The following LDHB variants were observed in gnomAD, a reference collection of about 807,000 sequenced individuals.
LDHB encodes the protein lactate dehydrogenase B.
Under a neutral mutation model 33.4 loss-of-function variants are expected in LDHB, and 18 were observed. The observed-to-expected ratio is 0.54, with a 90% CI of 0.37 to 0.80. The LOEUF (loss-of-function observed/expected upper bound fraction) is 0.80, where lower values mean the gene tolerates loss of function less well. Ranked by LOEUF, LDHB falls within the 30% of genes least tolerant of loss-of-function variation. The pLI, the probability that LDHB is intolerant of heterozygous loss-of-function variation, is 0.00. For missense variants in LDHB, 345 were observed against 407.9 expected (o/e 0.85, Z 1.33); for synonymous variants, 121 against 140.6 (o/e 0.86, Z 0.98).
chr12:21,638,523 A>G, intron 5 of LDHB, 53 bp from the exon 6 acceptor site: 2 of 1,233,670 alleles, frequency 1.6e-6, no homozygotes, highest in Non-Finnish European at 2.4e-6. Context: ...ATTATTTTAA[A>G]AAATATTTTC....
chr12:21,636,922 G>T, intron 7 of LDHB, 149 bp downstream of exon 7: 1 of 739,038 alleles, frequency 1.4e-6, no homozygotes, highest in Non-Finnish European at 2.4e-6. Context: ...CAAGACTTCT[G>T]TTGGAAAATG....
Position 21,635,630 on chromosome 12 carries a change from T to C in LDHB, c.917A>G (p.Asn306Ser). The C allele has an allele frequency of 3.7e-6, 6 of 1,613,536 alleles. No homozygotes were observed. Among genetic ancestry groups the C allele is most frequent in the Non-Finnish European group, 5.1e-6 (6 of 1,179,742 alleles). ...AACCTCATCATCCTTTAGCTTCTGG[T>C]TGATAACGCTGGTTAATCCCCGGGC... ...LNARGLTSVI[N>S]QKLKDDEVAQ... The change falls in exon 8 of 8, where the codon AAC becomes AGC. Residue 306 changes from asparagine (N) to serine (S), a missense_variant. Transcript: ENST00000350669.
chr12:21,657,657 C>T (rs923647831), intron 1 of LDHB, 94 bp downstream of exon 1: 18 of 152,544 alleles, frequency 1.2e-4, no homozygotes, highest in Admixed American at 9.8e-4. Flanking sequence ...TGTGCTTCTT[C>T]CTCCTTCCCG....
chr12:21,642,214 A>G, intron 4 of LDHB, 89 bp from the exon 5 acceptor site: 1 of 831,894 alleles, frequency 1.2e-6, no homozygotes, highest in Non-Finnish European at 2.1e-6. Context: ...CCCTTTTCCC[A>G]CTTCCCCACT....
intron 5 of LDHB, 43 bp from the exon 6 acceptor site, chr12:21,638,513 A>C: frequency 2.3e-6 from 3 of 1,305,896 alleles, no homozygotes; most frequent in Non-Finnish European, 3.3e-6. Context: ...TATTTCTTAC[A>C]TTATTTTAAA....
chr12:21,643,776 A>G, intron 4 of LDHB, 159 bp downstream of exon 4: 1 of 636,048 alleles, frequency 1.6e-6, no homozygotes. Context: ...GGACAGAGGC[A>G]TTTGTTTTGC....
In LDHB at chr12:21,646,929, G is replaced by A; in HGVS notation, c.217C>T (p.Leu73Phe). ...TCTGCCACAATTTTAGGTGTCTGAAGAAATAAGCTCCCATGCTGCAGATCC... is the reference window on the plus strand; with the variant it reads ...TCTGCCACAATTTTAGGTGTCTGAAAAAATAAGCTCCCATGCTGCAGATCC... ...MMDLQHGSLF[L>F]QTPKIVADKD... Residue 73 changes from leucine to phenylalanine, a missense_variant, in exon 3 of 8, where the codon CTT becomes TTT. Physicochemically the swap from Leu to Phe is conservative, Grantham distance 22. Transcript: ENST00000350669. 3.1e-6 allele frequency: 5 copies of A among 1,612,114 alleles called. No homozygotes were observed. Among genetic ancestry groups the A allele is most frequent in the Non-Finnish European group, 4.2e-6 (5 of 1,178,344 alleles).
intron 2 of LDHB, among the ~76,000 whole-genome samples, chr12:21,650,476 A>C (rs1253357563): frequency 1.3e-5 from 2 of 152,182 alleles, no homozygotes; most frequent in East Asian, 3.9e-4. Context: ...GTTTGTCCAC[A>C]AGAACATGGC....
chr12:21,638,429 G>GGA lies in LDHB; in HGVS notation c.635_636dup (p.Gln213SerfsTer4). ...GTTCCCATTTCTGGATTCAATTCCT[G>GGA]GAGAGAAACACCTGCCACATTCACA... On this transcript the variant is annotated frameshift_variant, in exon 6 of 8. Transcript: ENST00000350669. LOFTEE classifies it high-confidence loss of function. 2 of 1,609,492 alleles carry GGA rather than the reference G, an allele frequency of 1.2e-6. No homozygotes were observed. Among genetic ancestry groups the GGA allele is most frequent in the Non-Finnish European group, 1.7e-6 (2 of 1,177,732 alleles).
chr12:21,639,390 TTAAC>T (rs1472099482), intron 5 of LDHB, among the ~76,000 whole-genome samples: 3 of 151,982 alleles, frequency 2.0e-5, no homozygotes, highest in South Asian at 2.1e-4. Flanking sequence ...AGCTATGGCA[TTAAC>T]TAACTAAAAG....
intron 2 of LDHB, among the ~76,000 whole-genome samples, chr12:21,654,119 T>C (rs1172261950): frequency 6.6e-6 from 1 of 152,224 alleles, no homozygotes; most frequent in African/African-American, 2.4e-5. Flanking sequence ...CTCACCTGGA[T>C]GCTAGAAAAA....
At chr12:21,635,752 A>G in intron 7 of LDHB, 43 bp from the exon 8 acceptor site, 1 of 1,586,128 alleles carries the variant, frequency 6.3e-7, no homozygotes. Context: ...ATGAAACTGT[A>G]AGTAAAAATG....
chr12:21,656,224 T>C lies in LDHB; in HGVS notation c.-7+1527A>G, dbSNP rs1478688919. On this transcript the variant is annotated intron_variant, in intron 1 of 7. Transcript: ENST00000350669. ...GTGTAACAACTATTTTATCTTATAG[T>C]TTTTTTTCCAAAAAATATTTCCTCC... is the stretch of plus-strand genomic sequence containing the variant. Among the ~76,000 whole-genome samples, 28 of 152,084 alleles carry C rather than the reference T, an allele frequency of 1.8e-4. 1 individual carries two copies. Among genetic ancestry groups the C allele is most frequent in the Non-Finnish European group, 1.5e-5 (1 of 68,008 alleles).
chr12:21,636,933 A>C, intron 7 of LDHB, 138 bp downstream of exon 7: 1 of 783,332 alleles, frequency 1.3e-6, no homozygotes, highest in Non-Finnish European at 2.2e-6. Context: ...TTGGAAAATG[A>C]GAATAGTTTA....
chr12:21,648,291 T>C (rs1311446343), intron 2 of LDHB, among the ~76,000 whole-genome samples: 3 of 152,122 alleles, frequency 2.0e-5, no homozygotes, highest in African/African-American at 7.2e-5. Context: ...ACTCAAGGGA[T>C]TGGTTCTAGG....
intron 5 of LDHB, 70 bp downstream of exon 5, chr12:21,641,882 G>C: frequency 7.5e-7 from 1 of 1,325,438 alleles, no homozygotes; most frequent in Non-Finnish European, 1.1e-6. Flanking sequence ...AATAAAATTT[G>C]AAATAAAATG....
intron 2 of LDHB, 82 bp downstream of exon 2, chr12:21,654,461 T>C: frequency 1.5e-6 from 2 of 1,310,592 alleles, no homozygotes; most frequent in Non-Finnish European, 2.2e-6. Flanking sequence ...CTTTTAAAGA[T>C]ATAATAAAAT....
intron 2 of LDHB, among the ~76,000 whole-genome samples, chr12:21,653,331 A>C (rs778139521): frequency 8.9e-4 from 136 of 152,306 alleles, no homozygotes; most frequent in Non-Finnish European, 1.1e-3. Context: ...AGGGGTCCCC[A>C]ACACCCAGGT....
chr12:21,654,233 T>G (rs1358854202), intron 2 of LDHB: 1 of 350,414 alleles, frequency 2.9e-6, no homozygotes, highest in Non-Finnish European at 5.4e-6. Flanking sequence ...GAGGTGAAAA[T>G]AGCTATAAAC....
Sources: gnomAD v4.1 joint callset for allele counts (sites outside exome capture counted in the v4.1 genomes callset) on GRCh38, gnomAD v4.1.1 for gene constraint, MANE v1.5 for transcripts, NCBI Gene and HGNC (gene_info 2026-07-23, HGNC 2026-07-21) for gene names.